The following MAF variants were observed in gnomAD, a reference collection of about 807,000 sequenced individuals.
The protein encoded by MAF is MAF bZIP transcription factor, also known as transcription factor Maf.
A neutral mutation model predicts 22.0 loss-of-function variants in MAF; 10 were observed. The observed-to-expected ratio is 0.45, with a 90% CI of 0.28 to 0.77. The LOEUF is 0.77. MAF is among the 30% of genes least tolerant of loss of function. The probability of loss-of-function intolerance (pLI) is 0.12; values close to 1 mark genes in which losing one functional copy is unlikely to be tolerated. For missense variants in MAF, 544 were observed against 548.4 expected (o/e 0.99, Z 0.08); for synonymous variants, 337 against 255.8 (o/e 1.32, Z -3.03).
At chr16:79,413,214 T>G in the MAF span, among the ~76,000 whole-genome samples, 5 of 10,468 alleles carry the variant, frequency 4.8e-4, no homozygotes, top group East Asian at 0.033. Flanking sequence ...TGTGCAGTTT[T>G]TTTTTTTTTT....
At chr16:79,526,409 G>T in the MAF span, among the ~76,000 whole-genome samples, 7 of 152,192 alleles carry the variant, frequency 4.6e-5, no homozygotes. Context: ...TGGCGGTAAT[G>T]GGAGTGATGG....
At chr16:79,223,847 C>T in the MAF span, among the ~76,000 whole-genome samples, 1 of 152,126 alleles carries the variant, frequency 6.6e-6, no homozygotes, top group Admixed American at 6.5e-5. Context: ...ATAACAAGTT[C>T]TGAAATTGAG....
At chr16:79,218,173 GATGTT>G in the MAF span, among the ~76,000 whole-genome samples, 1 of 151,928 alleles carries the variant, frequency 6.6e-6, no homozygotes, top group Non-Finnish European at 1.5e-5. Flanking sequence ...TGTATCTATA[GATGTT>G]ATGTTATTGC....
At chr16:79,517,861 C>T in the MAF span, among the ~76,000 whole-genome samples, 1 of 152,168 alleles carries the variant, frequency 6.6e-6, no homozygotes, top group East Asian at 1.9e-4. Flanking sequence ...AGGCATGAGC[C>T]ACCGCTTTTG....
At chr16:79,577,657 G>C in the MAF span, among the ~76,000 whole-genome samples, 1 of 152,120 alleles carries the variant, frequency 6.6e-6, no homozygotes, top group Non-Finnish European at 1.5e-5. Flanking sequence ...TGCTGGAATA[G>C]CCCTCAAGTG....
At chr16:79,489,895 C>T in the MAF span, among the ~76,000 whole-genome samples, 6 of 152,026 alleles carry the variant, frequency 3.9e-5, no homozygotes, top group Admixed American at 1.3e-4. Context: ...GTCAGGGCCC[C>T]GGCAATGTCC....
the MAF span, among the ~76,000 whole-genome samples, chr16:79,548,294 CTGTTT>C: frequency 1.3e-5 from 2 of 152,056 alleles, no homozygotes; most frequent in Non-Finnish European, 2.9e-5. Flanking sequence ...TGATTGATGT[CTGTTT>C]TTTCATTAGT....
chr16:79,487,085 C>T, the MAF span, among the ~76,000 whole-genome samples: 1 of 152,030 alleles, frequency 6.6e-6, no homozygotes, highest in Admixed American at 6.6e-5. Flanking sequence ...TTGAAATCTC[C>T]TCCAAAACAC....
At chr16:79,337,927 C>CTTG in the MAF span, among the ~76,000 whole-genome samples, 1 of 152,058 alleles carries the variant, frequency 6.6e-6, no homozygotes, top group African/African-American at 2.4e-5. Context: ...TGATGCCTGT[C>CTTG]TTGTAGCTTA....
the MAF span, among the ~76,000 whole-genome samples, chr16:79,447,905 A>AAAAG: frequency 2.3e-5 from 2 of 85,822 alleles, no homozygotes; most frequent in East Asian, 4.7e-4. Flanking sequence ...AAAAAAAAAA[A>AAAAG]AAAAGAAAAG....
chr16:79,550,198 C>T, the MAF span, among the ~76,000 whole-genome samples: 2 of 151,914 alleles, frequency 1.3e-5, no homozygotes, highest in African/African-American at 4.8e-5. Flanking sequence ...GAATGGGTGA[C>T]CATTTACCAA....
At chr16:79,572,341 T>C in the MAF span, among the ~76,000 whole-genome samples, 1 of 152,182 alleles carries the variant, frequency 6.6e-6, no homozygotes, top group African/African-American at 2.4e-5. Flanking sequence ...AATCCCCATG[T>C]AGTTCTTTGA....
chr16:79,438,482 T>C, the MAF span, among the ~76,000 whole-genome samples: 4 of 152,210 alleles, frequency 2.6e-5, no homozygotes, highest in South Asian at 2.1e-4. Context: ...CGGAGAATTA[T>C]GTAAGGAACG....
rs192081301 is a variant in MAF at position 79,598,711 on chromosome 16, C to T, written c.1118+74G>A. 307 of 1,599,794 alleles carry T rather than the reference C, an allele frequency of 1.9e-4. No individual in the cohort carries two copies. The African/African-American group carries it at 3.8e-3, about 20-fold the overall frequency. ...GTGGCGAGCATGGCTCTAGAACTAGCAAGCCCACACCCGAGCCGGACCCCC... is the reference window on the plus strand; with the variant it reads ...GTGGCGAGCATGGCTCTAGAACTAGTAAGCCCACACCCGAGCCGGACCCCC... On this transcript the variant is annotated intron_variant, in intron 1 of 1. Transcript: ENST00000326043.
At chr16:79,567,781 A>T in the MAF span, among the ~76,000 whole-genome samples, 513 of 152,288 alleles carry the variant, frequency 3.4e-3, 3 homozygotes, top group Non-Finnish European at 5.4e-3. Context: ...ATGTCTAGGG[A>T]GATGTGTGCA....
At chr16:79,466,693 T>C in the MAF span, among the ~76,000 whole-genome samples, 1 of 152,214 alleles carries the variant, frequency 6.6e-6, no homozygotes, top group Admixed American at 6.5e-5. Flanking sequence ...GCAAAAACCT[T>C]AAGAGAAGAC....
chr16:79,598,674 G>C (rs1041667485), intron 1 of MAF, 111 bp downstream of exon 1: 1 of 1,552,486 alleles, frequency 6.4e-7, no homozygotes, highest in South Asian at 1.2e-5. Context: ...TGGGGGTGGG[G>C]GTGGTGAGGT....
At chr16:79,379,470 G>A in the MAF span, among the ~76,000 whole-genome samples, 1 of 151,296 alleles carries the variant, frequency 6.6e-6, no homozygotes, top group Non-Finnish European at 1.5e-5. Context: ...CGTAGGAGCA[G>A]AAGTAGTACG....
the MAF span, among the ~76,000 whole-genome samples, chr16:79,456,035 A>C: frequency 3.9e-5 from 6 of 152,318 alleles, no homozygotes; most frequent in East Asian, 3.9e-4. Flanking sequence ...AAATATTAAA[A>C]AAATAAATAA....
Sources: allele counts gnomAD v4.1 joint callset (sites outside exome capture counted in the v4.1 genomes callset), GRCh38; gene constraint gnomAD v4.1.1; transcripts MANE v1.5; gene names NCBI Gene and HGNC (gene_info 2026-07-23, HGNC 2026-07-21).